KIAA1549L: variants seen among roughly 807,000 people sequenced by gnomAD.
The protein encoded by KIAA1549L is KIAA1549 like.
KIAA1549L carries 88 observed loss-of-function variants against 160.7 expected under a neutral mutation model. The observed-to-expected ratio is 0.55, with a 90% confidence interval of 0.46 to 0.65. The LOEUF is 0.65. Among genes scored for constraint, KIAA1549L ranks in the 30% least tolerant of loss-of-function variants. KIAA1549L has a pLI of 0.00. For missense variants in KIAA1549L, 2,258 were observed against 2,437.5 expected (o/e 0.93, Z 1.55); for synonymous variants, 950 against 976.7 (o/e 0.97, Z 0.51).
chr11:33,402,638 A>G (rs1850526323), intron 1 of KIAA1549L, among the ~76,000 whole-genome samples: 2 of 152,164 alleles, frequency 1.3e-5, no homozygotes, highest in South Asian at 2.1e-4. Flanking sequence ...GCTTGCCTAT[A>G]TTAAAAATCA....
intron 1 of KIAA1549L, among the ~76,000 whole-genome samples, chr11:33,439,285 A>G (rs1851444386): frequency 6.6e-6 from 1 of 152,060 alleles, no homozygotes. Context: ...GATACATAAT[A>G]TTTTACTTAT....
At chr11:33,608,608 C>T (rs566036078) in intron 14 of KIAA1549L, among the ~76,000 whole-genome samples, 91 of 152,360 alleles carry the variant, frequency 6.0e-4, no homozygotes, top group Admixed American at 1.2e-3. Flanking sequence ...CTTTTCATCC[C>T]AGCTTAATGA....
In KIAA1549L at chr11:33,521,369, T is replaced by C. The variant is rs76281400; in HGVS notation, c.239-20433T>C. Among the ~76,000 whole-genome samples the C allele has an allele frequency of 4.3e-3, 653 of 152,306 alleles. 7 individuals are homozygous for C. The highest frequency in any genetic ancestry group is 0.014 in the African/African-American group (593 of 41,564). ...CACTTACTTACCGACTGTATGACTT[T>C]GGGTAAGGTTTTTAACTTTTCTGTG... On this transcript the variant is annotated intron_variant, in intron 1 of 20. Coordinates refer to ENST00000658780, the MANE Select transcript of KIAA1549L (RefSeq NM_012194.3).
intron 1 of KIAA1549L, among the ~76,000 whole-genome samples, chr11:33,393,006 C>G (rs868715737): frequency 2.1e-4 from 32 of 152,208 alleles, no homozygotes; most frequent in African/African-American, 7.5e-4. Context: ...TCTTGTCCCC[C>G]TTTAAACCAG....
intron 11 of KIAA1549L, among the ~76,000 whole-genome samples, chr11:33,583,849 C>T (rs145604317): frequency 5.0e-4 from 76 of 152,318 alleles, no homozygotes; most frequent in African/African-American, 1.7e-3. Context: ...ATCAGACTCC[C>T]TCCTTTCACC....
In KIAA1549L at chr11:33,547,819, C is replaced by T. The variant is rs768110250; in HGVS notation, c.3441C>T (p.Ile1147=). The change falls in exon 4 of 21, where the codon ATC becomes ATT. Residue 1147 remains isoleucine, a synonymous_variant. Transcript: ENST00000658780. ...VQISESLKFS[I]AKGLTQALRK... is the part of the protein sequence containing the mutation. The stretch of plus-strand genomic sequence containing the variant: ...TCAGTGAATCCTTGAAGTTCAGTAT[C>T]GCCAAAGGGCTCACACAGGCATTGC... The T allele has an allele frequency of 3.2e-5, 51 of 1,613,562 alleles. No individual in the cohort carries two copies. The highest frequency in any genetic ancestry group is 4.1e-5 in the Non-Finnish European group (48 of 1,179,736).
chr11:33,625,204 T>A (rs1221129499), intron 16 of KIAA1549L, among the ~76,000 whole-genome samples: 1 of 152,008 alleles, frequency 6.6e-6, no homozygotes, highest in African/African-American at 2.4e-5. Context: ...TTGTGAATAG[T>A]GCCTCAATAA....
intron 1 of KIAA1549L, among the ~76,000 whole-genome samples, chr11:33,450,225 G>A (rs1331160321): frequency 2.0e-5 from 3 of 152,082 alleles, no homozygotes; most frequent in East Asian, 1.9e-4. Flanking sequence ...GAAAATGGGC[G>A]AGTTGGGCTT....
intron 1 of KIAA1549L, among the ~76,000 whole-genome samples, chr11:33,473,452 T>G (rs1034737445): frequency 6.6e-6 from 1 of 152,092 alleles, no homozygotes; most frequent in African/African-American, 2.4e-5. Context: ...GTCAGGACAT[T>G]GAAAGGAGGA....
chr11:33,426,456 A>C (rs1851118404), intron 1 of KIAA1549L, among the ~76,000 whole-genome samples: 1 of 152,170 alleles, frequency 6.6e-6, no homozygotes, highest in African/African-American at 2.4e-5. Flanking sequence ...CTGACCATAA[A>C]TTGAGAGCAA....
intron 1 of KIAA1549L, among the ~76,000 whole-genome samples, chr11:33,407,538 G>A (rs1047410406): frequency 6.6e-6 from 1 of 151,882 alleles, no homozygotes; most frequent in Non-Finnish European, 1.5e-5. Flanking sequence ...CAGTAGAGAC[G>A]GGGTTTCACC....
intron 8 of KIAA1549L, among the ~76,000 whole-genome samples, chr11:33,562,992 C>A (rs1218724214): frequency 6.6e-6 from 1 of 151,370 alleles, no homozygotes; most frequent in Admixed American, 6.6e-5. Flanking sequence ...AACTTCATTA[C>A]CTCTTTAAAG....
chr11:33,623,162 C>T (rs148203927), intron 16 of KIAA1549L, among the ~76,000 whole-genome samples: 51 of 152,288 alleles, frequency 3.3e-4, no homozygotes, highest in African/African-American at 1.0e-3. Context: ...ACAGCTTTGG[C>T]GTAACAGTCA....
Position 33,545,002 on chromosome 11 carries a change from C to T in KIAA1549L, c.3009C>T (p.Ala1003=), listed in dbSNP as rs372716902. 1.2e-6 allele frequency: 2 copies of T among 1,614,016 alleles called. No individual in the cohort carries two copies. The highest frequency in any genetic ancestry group is 1.7e-6 in the Non-Finnish European group (2 of 1,179,888). The part of the protein sequence containing the change: ...PKRTPGAVHT[A]FPFTPTYMYA... ...GGACACCAGGGGCAGTCCATACAGC[C>T]TTCCCATTCACACCAACCTACATGT... Residue 1003 remains alanine (A), a synonymous_variant, in exon 3 of 21, where the codon GCC becomes GCT. Transcript: ENST00000658780.
At chr11:33,635,586 C>G (rs916670821) in intron 16 of KIAA1549L, among the ~76,000 whole-genome samples, 3 of 152,142 alleles carry the variant, frequency 2.0e-5, no homozygotes, top group African/African-American at 7.2e-5. Flanking sequence ...TTGTAAAACC[C>G]CTGTTCACTT....
intron 1 of KIAA1549L, among the ~76,000 whole-genome samples, chr11:33,437,809 G>A (rs1430779825): frequency 6.6e-6 from 1 of 152,184 alleles, no homozygotes; most frequent in Non-Finnish European, 1.5e-5. Flanking sequence ...CCCCTCCAGT[G>A]GGTCAGTTGG....
At chr11:33,574,316 C>T (rs1178875548) in intron 9 of KIAA1549L, among the ~76,000 whole-genome samples, 1 of 151,962 alleles carries the variant, frequency 6.6e-6, no homozygotes, top group Non-Finnish European at 1.5e-5. Context: ...TAATTTTTCT[C>T]CCTTTCTGGC....
chr11:33,556,846 AC>A (rs1854665106), intron 6 of KIAA1549L, among the ~76,000 whole-genome samples: 1 of 152,218 alleles, frequency 6.6e-6, no homozygotes, highest in South Asian at 2.1e-4. Context: ...TGAACGATAC[AC>A]TTAAAATGGT....
At chr11:33,575,284 G>C (rs1239785561) in intron 10 of KIAA1549L, among the ~76,000 whole-genome samples, 1 of 152,252 alleles carries the variant, frequency 6.6e-6, no homozygotes, top group Non-Finnish European at 1.5e-5. Flanking sequence ...CCCTTAAGGA[G>C]CAGGGAGACT....
Sources: allele counts gnomAD v4.1 joint callset (sites outside exome capture counted in the v4.1 genomes callset), GRCh38; gene constraint gnomAD v4.1.1; transcripts MANE v1.5; gene names NCBI Gene and HGNC (gene_info 2026-07-23, HGNC 2026-07-21).